ADPRHL1: variants seen among roughly 807,000 people sequenced by gnomAD.
ADPRHL1 encodes inactive ADP-ribosyltransferase ARH2.
A neutral mutation model predicts 44.1 loss-of-function variants in ADPRHL1; 43 were observed. That is an observed-to-expected ratio of 0.98 (90% CI 0.76 to 1.26). ADPRHL1 has a LOEUF of 1.26. Ranked by LOEUF, ADPRHL1 falls within the 50% of genes most tolerant of loss-of-function variation. ADPRHL1 has a pLI of 0.00. For missense variants in ADPRHL1, 2,022 were observed against 2,496.9 expected (o/e 0.81, Z 4.05); for synonymous variants, 878 against 1,017.4 (o/e 0.86, Z 2.61).
rs1202998212 is a variant in ADPRHL1 at position 113,401,868 on chromosome 13, T to C, written c.*1510A>G. Reference sequence around the variant, plus strand: ...GGCGTCTGCCGGGATGGACCTTCCCTGGAAGGAGAGACCTCAGCCCCGCGT... The same window carrying C: ...GGCGTCTGCCGGGATGGACCTTCCCCGGAAGGAGAGACCTCAGCCCCGCGT... On this transcript the variant is annotated 3_prime_UTR_variant, in exon 8 of 8. Coordinates refer to ENST00000612156, the MANE Select transcript of ADPRHL1 (RefSeq NM_001394807.1). The surrounding 1 kb of genome is among the most constrained non-coding windows in gnomAD (Gnocchi z 5.5). 1 of 152,242 alleles carries C rather than the reference T, an allele frequency of 6.6e-6. No individual in the cohort carries two copies. Among genetic ancestry groups the C allele is most frequent in the Admixed American group, 6.5e-5 (1 of 15,288 alleles). 9.4% of individuals were successfully genotyped at this position (152,242 alleles called of 1,614,324 possible).
rs969159921 is a variant in ADPRHL1 at position 113,430,833 on chromosome 13, G to T, written c.506-1741C>A. 5.3e-5 allele frequency among the ~76,000 whole-genome samples: 8 copies of T among 152,158 alleles called. No homozygotes were observed. The South Asian group carries it at 1.0e-3, about 20-fold the overall frequency. On this transcript the variant is annotated intron_variant, in intron 3 of 7. Transcript: ENST00000612156. ...TGGTGTGGTGCTGCCGATGGGAGCA[G>T]CTGTGGTGGTGGCAGTAGTTACAGT...
Position 113,444,566 on chromosome 13 carries a change from A to G in ADPRHL1, c.238T>C (p.Tyr80His), listed in dbSNP as rs750908703. 6.2e-7 allele frequency: 1 copy of G among 1,614,116 alleles called. No individual in the cohort carries two copies. Among genetic ancestry groups the G allele is most frequent in the East Asian group, 2.2e-5 (1 of 44,882 alleles). ...ACATAGCATCTCACCATCTCCCGGT[A>G]CAGATCATCCAGGCACCAGTAGTCT... ...TTDYWCLDDL[Y>H]REMVRCYVEI... Residue 80 changes from tyrosine (Y) to histidine (H), a missense_variant, in exon 2 of 8, where the codon TAC becomes CAC. Physicochemically the swap from Tyr to His is moderately conservative, Grantham distance 83. Transcript: ENST00000612156.
intron 7 of ADPRHL1, among the ~76,000 whole-genome samples, chr13:113,411,247 A>AT (rs2043850602): frequency 6.6e-6 from 1 of 152,144 alleles, no homozygotes; most frequent in African/African-American, 2.4e-5. Flanking sequence ...GAAGAGAGTA[A>AT]TGGAGCTCCA....
rs561305348 is a variant in ADPRHL1 at position 113,420,469 on chromosome 13, C to T, written c.1061+2357G>A. ...AGGGTGGAGAGGGAAGCCCACTTTC[C>T]GGTAAGCGGGCAAAACAGGTACTAC... On this transcript the variant is annotated intron_variant, in intron 7 of 7. Coordinates refer to ENST00000612156, the MANE Select transcript of ADPRHL1 (RefSeq NM_001394807.1). 1.8e-3 allele frequency among the ~76,000 whole-genome samples: 277 copies of T among 152,212 alleles called. 2 individuals are homozygous for T. Among genetic ancestry groups the T allele is most frequent in the African/African-American group, 6.1e-3 (253 of 41,508 alleles).
At position 113,414,679 on chromosome 13, in the gene ADPRHL1, G is replaced by GTT. The variant is rs34698707; in HGVS notation, c.1062-6461_1062-6460dup. ...GCTGAGCAGGGGTCTTCTGTTTTCT[G>GTT]TTTTTTTTTTTTTTTAGATGGAGTC... is the stretch of plus-strand genomic sequence containing the variant. On this transcript the variant is annotated intron_variant, in intron 7 of 7. Transcript: ENST00000612156. Among the ~76,000 whole-genome samples the GTT allele has an allele frequency of 3.1e-4, 43 of 138,898 alleles. 1 individual carries two copies. Among genetic ancestry groups the GTT allele is most frequent in the Middle Eastern group, 3.8e-3 (1 of 266 alleles). 91.1% of individuals were successfully genotyped at this position (138,898 alleles called of 152,430 possible). A position where few individuals can be genotyped will look rare whatever the true frequency, so the allele number is the denominator to read the frequency against.
intron 4 of ADPRHL1, among the ~76,000 whole-genome samples, chr13:113,427,538 TTTTC>T (rs1270866262): frequency 6.6e-6 from 1 of 151,798 alleles, no homozygotes; most frequent in African/African-American, 2.4e-5. Flanking sequence ...CTCTTTTTTC[TTTTC>T]TTTTTTTTTT....
At chr13:113,427,920 C>T (rs1343682510) in intron 4 of ADPRHL1, among the ~76,000 whole-genome samples, 1 of 152,106 alleles carries the variant, frequency 6.6e-6, no homozygotes, top group Non-Finnish European at 1.5e-5. Flanking sequence ...TTTCAGAACA[C>T]GTGCCTGTGC....
At chr13:113,412,462 G>A (rs1019434507) in intron 7 of ADPRHL1, among the ~76,000 whole-genome samples, 4 of 152,264 alleles carry the variant, frequency 2.6e-5, no homozygotes, top group African/African-American at 9.6e-5. Flanking sequence ...ACAGGCGTGA[G>A]CCACCGCGCC....
At chr13:113,419,486 A>G (rs1040774500) in intron 7 of ADPRHL1, among the ~76,000 whole-genome samples, 4 of 152,108 alleles carry the variant, frequency 2.6e-5, no homozygotes, top group African/African-American at 9.7e-5. Flanking sequence ...ACACCATAAA[A>G]TATAAGATGC....
At chr13:113,433,975 A>G (rs2044027019) in intron 2 of ADPRHL1, 108 bp from the exon 3 acceptor site, 4 of 1,410,240 alleles carry the variant, frequency 2.8e-6, no homozygotes, top group Non-Finnish European at 3.7e-6. Context: ...GTGTAATAAC[A>G]TGTTATCAGA....
rs979234687 is a variant in ADPRHL1, at chr13:113,442,862, C to T, written c.379+1563G>A. ...TGAGGCCGCCCGCGGGTCGCTGGTC[C>T]TCCCTTCATCTTGGATTCTTTCTCT... On this transcript the variant is annotated intron_variant, in intron 2 of 7. Transcript: ENST00000612156. Among the ~76,000 whole-genome samples the T allele has an allele frequency of 7.2e-5, 11 of 152,206 alleles. 1 individual carries two copies. The highest frequency in any genetic ancestry group is 1.6e-4 in the Non-Finnish European group (11 of 68,044).
Position 113,422,960 on chromosome 13 carries a change from G to A in ADPRHL1, c.927C>T (p.Gly309=). 1.2e-6 allele frequency: 2 copies of A among 1,612,860 alleles called. No homozygotes were observed. Residue 309 remains glycine, a synonymous_variant, in exon 7 of 8, where the codon GGC becomes GGT. Transcript: ENST00000612156. ...MFHGGESAAT[G]TIAGCLFGLL... ...ACCCGAACAGGCAGCCTGCAATGGT[G>A]CCCGTGGCCGCGCTCTCCCCTGAAA...
intron 7 of ADPRHL1, among the ~76,000 whole-genome samples, chr13:113,416,932 T>C (rs1348916083): frequency 6.6e-6 from 1 of 152,228 alleles, no homozygotes; most frequent in Non-Finnish European, 1.5e-5. Flanking sequence ...TGCACGAGTG[T>C]GTGCAGTGAG....
intron 7 of ADPRHL1, among the ~76,000 whole-genome samples, chr13:113,417,697 T>C (rs2043893830): frequency 6.6e-6 from 1 of 152,272 alleles, no homozygotes; most frequent in Non-Finnish European, 1.5e-5. Context: ...ACAGGCTAAG[T>C]GAGCTGATAA....
At position 113,403,720 on chromosome 13, in the gene ADPRHL1, C is replaced by A; in HGVS notation, c.5562G>T (p.Leu1854=). Residue 1854 remains leucine (L), a synonymous_variant, in exon 8 of 8, where the codon CTG becomes CTT. Transcript: ENST00000612156. The part of the protein sequence containing the change: ...RDGGQSGGSG[L]GEPSAGYPPP... The stretch of plus-strand genomic sequence containing the variant: ...GTGGGTACCCGGCGCTGGGCTCCCC[C>A]AGGCCACTGCCCCCTGACTGTCCAC... 1.6e-6 allele frequency: 2 copies of A among 1,232,180 alleles called. No homozygotes were observed. The highest frequency in any genetic ancestry group is 2.0e-6 in the Non-Finnish European group (2 of 988,376). 76.3% of individuals were successfully genotyped at this position (1,232,180 alleles called of 1,614,324 possible).
intron 3 of ADPRHL1, 43 bp from the exon 4 acceptor site, chr13:113,429,135 G>A (rs956081591): frequency 9.5e-6 from 15 of 1,578,888 alleles, no homozygotes; most frequent in East Asian, 7.0e-5. Flanking sequence ...CACCTGGGCC[G>A]CTTGGGAGGG....
intron 1 of ADPRHL1, among the ~76,000 whole-genome samples, chr13:113,450,190 T>C (rs910198972): frequency 1.3e-5 from 2 of 152,202 alleles, no homozygotes; most frequent in African/African-American, 4.8e-5. Flanking sequence ...AATGCTGGGA[T>C]TGCAGACGTG....
At position 113,441,738 on chromosome 13, in the gene ADPRHL1, C is replaced by T. The variant is rs897044168; in HGVS notation, c.379+2687G>A. 5.3e-5 allele frequency among the ~76,000 whole-genome samples: 8 copies of T among 152,028 alleles called. No homozygotes were observed. Among genetic ancestry groups the T allele is most frequent in the African/African-American group, 1.7e-4 (7 of 41,386 alleles). On this transcript the variant is annotated intron_variant, in intron 2 of 7. Coordinates refer to ENST00000612156, the MANE Select transcript of ADPRHL1 (RefSeq NM_001394807.1). The surrounding 1 kb of genome is among the most constrained non-coding windows in gnomAD (Gnocchi z 6.0). ...CATGTCTCTATCATGCCATGTCCCG[C>T]CACTTGGGTCCGTGTCTCTATCATG...
intron 1 of ADPRHL1, among the ~76,000 whole-genome samples, chr13:113,445,021 T>C (rs2044127262): frequency 6.6e-6 from 1 of 152,180 alleles, no homozygotes; most frequent in Non-Finnish European, 1.5e-5. Flanking sequence ...TGGAGGCCAG[T>C]GTGCCCAGCT....
Sources: gnomAD v4.1 joint callset for allele counts (sites outside exome capture counted in the v4.1 genomes callset) on GRCh38, gnomAD v4.1.1 for gene constraint, Gnocchi (gnomAD v3.1) non-coding constraint, MANE v1.5 for transcripts, NCBI Gene and HGNC (gene_info 2026-07-23, HGNC 2026-07-21) for gene names.